The following THSD7A variants were observed in gnomAD, a reference collection of about 807,000 sequenced individuals.
The protein encoded by THSD7A is thrombospondin type 1 domain containing 7A.
Under a neutral mutation model 231.3 loss-of-function variants are expected in THSD7A, and 96 were observed. The ratio of observed to expected loss-of-function variants is 0.41; its 90% confidence interval spans 0.35 to 0.49. THSD7A has a LOEUF of 0.49. Ranked by LOEUF, THSD7A falls within the 20% of genes least tolerant of loss-of-function variation. The pLI is 0.05. For missense variants in THSD7A, 2,290 were observed against 2,070.2 expected (o/e 1.11, Z -2.06); for synonymous variants, 940 against 743.3 (o/e 1.26, Z -4.30).
intron 1 of THSD7A, among the ~76,000 whole-genome samples, chr7:11,705,268 GA>G (rs1197887179): frequency 6.6e-6 from 1 of 150,904 alleles, no homozygotes; most frequent in Non-Finnish European, 1.5e-5. Context: ...GAGAGTCCCA[GA>G]AACAGTTAAA....
intron 19 of THSD7A, among the ~76,000 whole-genome samples, chr7:11,409,850 C>G (rs1425308805): frequency 6.6e-6 from 1 of 152,156 alleles, no homozygotes; most frequent in East Asian, 1.9e-4. Context: ...TCAAGCGATT[C>G]TCCTGCCTTA....
intron 1 of THSD7A, among the ~76,000 whole-genome samples, chr7:11,783,057 C>T (rs1783683276): frequency 6.6e-6 from 1 of 152,066 alleles, no homozygotes; most frequent in Non-Finnish European, 1.5e-5. Flanking sequence ...GGGAATAAGA[C>T]ACAGAAGGAG....
chr7:11,651,762 C>T (rs1168524764), intron 1 of THSD7A, among the ~76,000 whole-genome samples: 2 of 151,788 alleles, frequency 1.3e-5, no homozygotes, highest in African/African-American at 4.8e-5. Flanking sequence ...TTATTAAACA[C>T]TGAAAAAAGG....
At position 11,406,243 on chromosome 7, in the gene THSD7A, C is replaced by T. The variant is rs989080504; in HGVS notation, c.4237+57G>A. On this transcript the variant is annotated intron_variant, in intron 22 of 27. Coordinates refer to ENST00000423059, the MANE Select transcript of THSD7A (RefSeq NM_015204.3). The surrounding 1 kb of genome is among the most constrained non-coding windows in gnomAD (Gnocchi z 4.7). ...TTATACTTTATATGCAACCCCTTCA[C>T]GGCCCTTGTCCTAGGAAAAAATAAT... 3.4e-5 allele frequency: 52 copies of T among 1,518,802 alleles called. No individual in the cohort carries two copies. Among genetic ancestry groups the T allele is most frequent in the Middle Eastern group, 1.8e-4 (1 of 5,628 alleles). 94.1% of individuals were successfully genotyped at this position (1,518,802 alleles called of 1,614,324 possible).
chr7:11,508,815 T>C (rs1422405025), intron 6 of THSD7A, among the ~76,000 whole-genome samples: 1 of 152,240 alleles, frequency 6.6e-6, no homozygotes, highest in Non-Finnish European at 1.5e-5. Flanking sequence ...CTTGAAGACA[T>C]TATGCTAAGT....
chr7:11,815,352 C>T (rs904878454), intron 1 of THSD7A, among the ~76,000 whole-genome samples: 9 of 151,924 alleles, frequency 5.9e-5, no homozygotes, highest in African/African-American at 2.2e-4. Context: ...TAGTCCACAG[C>T]AGAGAAGAGA....
At chr7:11,438,935 T>C (rs1016200927) in intron 13 of THSD7A, among the ~76,000 whole-genome samples, 1 of 152,040 alleles carries the variant, frequency 6.6e-6, no homozygotes, top group Non-Finnish European at 1.5e-5. Context: ...TTGACAGATA[T>C]ATTTTAATAT....
At chr7:11,696,486 G>C (rs1256168762) in intron 1 of THSD7A, among the ~76,000 whole-genome samples, 1 of 151,290 alleles carries the variant, frequency 6.6e-6, no homozygotes, top group East Asian at 2.0e-4. Context: ...TTGTTGCATA[G>C]GTATACATGT....
intron 2 of THSD7A, among the ~76,000 whole-genome samples, chr7:11,617,116 C>T (rs1341161930): frequency 6.6e-6 from 1 of 152,094 alleles, no homozygotes; most frequent in Non-Finnish European, 1.5e-5. Context: ...CTTCCTCAAA[C>T]CAAAAGTAAC....
In THSD7A at chr7:11,474,566, C is replaced by T. The variant is rs1254817926; in HGVS notation, c.2020G>A (p.Gly674Arg). 18 of 1,585,370 alleles carry T rather than the reference C, an allele frequency of 1.1e-5. No individual in the cohort carries two copies. The highest frequency in any genetic ancestry group is 1.5e-5 in the Non-Finnish European group (17 of 1,158,666). Residue 674 changes from glycine (G) to arginine (R), a missense_variant and splice_region_variant, in exon 8 of 28, where the codon GGA (glycine) becomes AGA (arginine). Coordinates refer to ENST00000423059, the MANE Select transcript of THSD7A (RefSeq NM_015204.3). The surrounding 1 kb of genome is among the most constrained non-coding windows in gnomAD (Gnocchi z 4.1). ...GCACTGCTATTTGGACAGCGAATTC[C>T]ACCTAAAAACATGGACAATGATAGC... is the stretch of plus-strand genomic sequence containing the variant. ...SILAYAGEEGGIRCPNSSALQ... is the reference protein window; with the variant it reads ...SILAYAGEEGRIRCPNSSALQ...
At chr7:11,462,520 A>G (rs926622841) in intron 9 of THSD7A, among the ~76,000 whole-genome samples, 3 of 152,206 alleles carry the variant, frequency 2.0e-5, no homozygotes, top group Non-Finnish European at 4.4e-5. Context: ...AGCCCTGTTT[A>G]TCACATGGGA....
At position 11,636,483 on chromosome 7, in the gene THSD7A, C is replaced by T. The variant is rs974375161; in HGVS notation, c.669G>A (p.Ala223=). 8 of 1,613,560 alleles carry T rather than the reference C, an allele frequency of 5.0e-6. No homozygotes were observed. The highest frequency in any genetic ancestry group is 1.1e-5 in the South Asian group (1 of 91,084). Residue 223 remains alanine, a synonymous_variant, in exon 2 of 28, where the codon GCG becomes GCA. Coordinates refer to ENST00000423059, the MANE Select transcript of THSD7A (RefSeq NM_015204.3). The surrounding 1 kb of genome is among the most constrained non-coding windows in gnomAD (Gnocchi z 10.0). The part of the protein sequence containing the change: ...GLQHRTRHVV[A]PPQFGGSGCP... The stretch of plus-strand genomic sequence containing the variant: ...AGCCAGAGCCTCCGAACTGCGGGGG[C>T]GCCACCACATGACGCGTCCGGTGCT...
At chr7:11,617,834 T>C (rs1348386840) in intron 2 of THSD7A, among the ~76,000 whole-genome samples, 3 of 152,048 alleles carry the variant, frequency 2.0e-5, no homozygotes, top group Non-Finnish European at 4.4e-5. Context: ...CTGGGGCCTG[T>C]CGTGGGGTAG....
intron 2 of THSD7A, among the ~76,000 whole-genome samples, chr7:11,625,314 T>C (rs568876918): frequency 1.9e-4 from 29 of 152,258 alleles, no homozygotes; most frequent in African/African-American, 7.0e-4. Flanking sequence ...GTATGTTACA[T>C]TGTAAGTGCT....
intron 1 of THSD7A, among the ~76,000 whole-genome samples, chr7:11,658,783 G>A (rs1457306956): frequency 6.6e-6 from 1 of 151,712 alleles, no homozygotes; most frequent in Non-Finnish European, 1.5e-5. Context: ...GAGGCTACTA[G>A]TGTGGGAATT....
At chr7:11,824,362 A>C (rs1784963044) in intron 1 of THSD7A, among the ~76,000 whole-genome samples, 1 of 152,076 alleles carries the variant, frequency 6.6e-6, no homozygotes, top group South Asian at 2.1e-4. Flanking sequence ...AGGTCAAGAA[A>C]CTTGTATTCC....
chr7:11,564,311 G>A (rs1382765501), intron 4 of THSD7A, among the ~76,000 whole-genome samples: 2 of 152,202 alleles, frequency 1.3e-5, no homozygotes, highest in Non-Finnish European at 2.9e-5. Context: ...TAACAGTGTT[G>A]TAACAGATAG....
At chr7:11,379,782 G>A in intron 24 of THSD7A, 70 bp from the exon 25 acceptor site, 4 of 1,468,096 alleles carry the variant, frequency 2.7e-6, no homozygotes, top group African/African-American at 1.4e-5. Flanking sequence ...TGTGGTTAGT[G>A]ACTTGTCTTT....
intron 23 of THSD7A, among the ~76,000 whole-genome samples, chr7:11,389,195 A>T (rs1351021793): frequency 6.6e-6 from 1 of 151,960 alleles, no homozygotes; most frequent in African/African-American, 2.4e-5. Context: ...TCAGTCTATT[A>T]TTGGCAGTGG....
Sources: gnomAD v4.1 joint callset for allele counts (sites outside exome capture counted in the v4.1 genomes callset) on GRCh38, gnomAD v4.1.1 for gene constraint, Gnocchi (gnomAD v3.1) non-coding constraint, MANE v1.5 for transcripts, NCBI Gene and HGNC (gene_info 2026-07-23, HGNC 2026-07-21) for gene names.